PLA2G4B: variants seen among roughly 807,000 people sequenced by gnomAD.
The protein encoded by PLA2G4B is cytosolic phospholipase A2 beta.
Under a neutral mutation model 95.8 loss-of-function variants are expected in PLA2G4B, and 122 were observed. The observed-to-expected ratio is 1.27, with a 90% CI of 1.10 to 1.48. The LOEUF (loss-of-function observed/expected upper bound fraction) is 1.48, where lower values mean the gene tolerates loss of function less well. PLA2G4B is among the 40% of genes most tolerant of loss of function. PLA2G4B has a pLI of 0.00. For synonymous variants in PLA2G4B, 518 were observed against 421.5 expected (o/e 1.23, Z -2.80); for missense variants, 1,158 against 996.2 (o/e 1.16, Z -2.19).
chr15:41,845,809 C>A (rs150919041), intron 15 of PLA2G4B, 34 bp downstream of exon 15: 2 of 1,563,606 alleles, frequency 1.3e-6, no homozygotes, highest in Admixed American at 3.7e-5. Context: ...GAAGCTGGGC[C>A]GAGCAGGGAA....
chr15:41,844,564 T>C lies in PLA2G4B; in HGVS notation c.973T>C (p.Leu325=). 6.2e-7 allele frequency: 1 copy of C among 1,614,170 alleles called. No individual in the cohort carries two copies. Among genetic ancestry groups the C allele is most frequent in the South Asian group, 1.1e-5 (1 of 91,080 alleles). ...QLAGLKELGL[L]DCVSYITGAS... ...GGCTGGCCTGAAGGAGCTGGGCCTC[T>C]TGGATTGCGTCTCCTACATCACCGG... is the stretch of plus-strand genomic sequence containing the variant. The change falls in exon 12 of 20, where the codon TTG becomes CTG. Residue 325 remains leucine (L), a synonymous_variant. Transcript: ENST00000458483.
Position 41,847,723 on chromosome 15 carries a change from A to C in PLA2G4B, c.2209A>C (p.Thr737Pro). The C allele has an allele frequency of 6.2e-7, 1 of 1,613,606 alleles. No homozygotes were observed. The highest frequency in any genetic ancestry group is 8.5e-7 in the Non-Finnish European group (1 of 1,180,008). Residue 737 changes from threonine (T) to proline (P), a missense_variant, in exon 20 of 20, where the codon ACG (threonine) becomes CCG (proline). Physicochemically the swap from Thr to Pro is conservative, Grantham distance 38. Transcript: ENST00000458483. The part of the protein sequence containing the change: ...LSSSDSPYHY[T>P]KVTYSQEDVD... ...TTCATCGGACTCTCCCTACCACTAC[A>C]CGAAGGTGACCTACAGCCAGGAGGA...
chr15:41,847,665 C>CGA lies in PLA2G4B; in HGVS notation c.2153_2154dup (p.Glu719ArgfsTer8), dbSNP rs752525697. On this transcript the variant is annotated frameshift_variant, in exon 20 of 20. Transcript: ENST00000458483. LOFTEE classifies it low-confidence loss of function (END_TRUNC). ...TCTCCACAGGGGTCCGGCGGACACCCGAGGAGGCGGCAGCTGGGGAGGTGA... is the reference window on the plus strand; with the variant it reads ...TCTCCACAGGGGTCCGGCGGACACCCGAGAGGAGGCGGCAGCTGGGGAGGTGA... 20 of 1,613,512 alleles carry CGA rather than the reference C, an allele frequency of 1.2e-5. No individual in the cohort carries two copies. The highest frequency in any genetic ancestry group is 1.6e-5 in the Non-Finnish European group (19 of 1,180,042).
rs201864966 is a variant in PLA2G4B at position 41,841,583 on chromosome 15, A to G, written c.490+12A>G. 41 of 1,613,692 alleles carry G rather than the reference A, an allele frequency of 2.5e-5. No homozygotes were observed. In the East Asian group the frequency reaches 4.2e-4, roughly 17 times the overall value. The stretch of plus-strand genomic sequence containing the variant: ...AGGAGACCAGAAGTGTGAGTCCCCA[A>G]CCCACTGGGACAGCCCCTGGCTCTC... On this transcript the variant is annotated intron_variant, in intron 7 of 19. Coordinates refer to ENST00000458483, the MANE Select transcript of PLA2G4B (RefSeq NM_001114633.2).
At chr15:41,839,798 C>A in intron 1 of PLA2G4B, 1 of 244,604 alleles carries the variant, frequency 4.1e-6, no homozygotes, top group Non-Finnish European at 8.0e-6. Context: ...CTGGAGCCAG[C>A]CTGCCCGGGC....
At chr15:41,846,929 C>T in intron 18 of PLA2G4B, 94 bp downstream of exon 18, 3 of 1,430,174 alleles carry the variant, frequency 2.1e-6, no homozygotes, top group Admixed American at 2.3e-5. Context: ...GTTCAGCTTC[C>T]TTTAGGAGCT....
rs763083870 is a variant in PLA2G4B, at chr15:41,845,906, A to G, written c.1496-37A>G. ...TGGGGAAGGGTAGGATTGGGACAAG[A>G]GTCGGGGGCCCTCTTCCCTCACGGC... is the stretch of plus-strand genomic sequence containing the variant. On this transcript the variant is annotated intron_variant, in intron 15 of 19. Transcript: ENST00000458483. 1.6e-5 allele frequency: 24 copies of G among 1,515,306 alleles called. No individual in the cohort carries two copies. The South Asian group carries it at 3.1e-4, about 19-fold the overall frequency. The allele number at this position is 1,515,306 out of a possible 1,614,324, so 93.9% of individuals were successfully genotyped here.
chr15:41,843,856 C>T (rs1183185061), intron 11 of PLA2G4B, 45 bp downstream of exon 11: 12 of 1,603,268 alleles, frequency 7.5e-6, no homozygotes, highest in Non-Finnish European at 9.4e-6. Flanking sequence ...CTTGCTTGGG[C>T]CTAGCTCCTG....
chr15:41,842,713 G>T (rs1468989470), intron 10 of PLA2G4B, 122 bp downstream of exon 10: 1 of 1,476,196 alleles, frequency 6.8e-7, no homozygotes, highest in African/African-American at 1.4e-5. Flanking sequence ...TCTCTGAAGG[G>T]GCTCAGGCTT....
intron 14 of PLA2G4B, 151 bp from the exon 15 acceptor site, chr15:41,845,487 G>T: frequency 6.8e-7 from 1 of 1,461,054 alleles, no homozygotes; most frequent in Non-Finnish European, 9.1e-7. Context: ...TGGGAAGGAG[G>T]CAGGGGCCTT....
Position 41,846,066 on chromosome 15 carries a change from T to C in PLA2G4B, c.1600+19T>C, listed in dbSNP as rs759602620. The C allele has an allele frequency of 1.3e-6, 2 of 1,571,690 alleles. No individual in the cohort carries two copies. Among genetic ancestry groups the C allele is most frequent in the Admixed American group, 3.7e-5 (2 of 54,664 alleles). On this transcript the variant is annotated intron_variant, in intron 16 of 19. Coordinates refer to ENST00000458483, the MANE Select transcript of PLA2G4B (RefSeq NM_001114633.2). ...AACCTGGGTAAGTGCTCCGGGCCCT[T>C]CATAAGGGTGCCAAGGGGCAGCCAG... is the stretch of plus-strand genomic sequence containing the variant.
rs775812246 is a variant in PLA2G4B, at chr15:41,847,761, G to A, written c.2247G>A (p.Leu749=). The A allele has an allele frequency of 3.2e-5, 51 of 1,613,584 alleles. No homozygotes were observed. The highest frequency in any genetic ancestry group is 4.3e-5 in the Non-Finnish European group (51 of 1,180,056). The stretch of plus-strand genomic sequence containing the variant: ...ACAGCCAGGAGGACGTGGACAAGCT[G>A]CTGCACCTGACACATTACAATGTCT... The part of the protein sequence containing the change: ...VTYSQEDVDK[L]LHLTHYNVCN... Residue 749 remains leucine, a synonymous_variant, in exon 20 of 20, where the codon CTG becomes CTA. Transcript: ENST00000458483.
intron 15 of PLA2G4B, 51 bp from the exon 16 acceptor site, chr15:41,845,892 A>G: frequency 2.0e-6 from 3 of 1,517,318 alleles, no homozygotes; most frequent in Non-Finnish European, 2.6e-6. Flanking sequence ...GGGGAAGGGT[A>G]GGATTGGGAC....
chr15:41,846,835 G>A lies in PLA2G4B; in HGVS notation c.1947G>A (p.Gln649=). 1.2e-6 allele frequency: 2 copies of A among 1,605,732 alleles called. No individual in the cohort carries two copies. The highest frequency in any genetic ancestry group is 1.7e-6 in the Non-Finnish European group (2 of 1,173,680). The change falls in exon 18 of 20, where the codon CAG becomes CAA. Residue 649 remains glutamine (Q), a splice_region_variant and synonymous_variant. Transcript: ENST00000458483. ...ACTACAACCTCCACGGAGCCTTCCA[G>A]GTTGGGAAGGGTGGGCAGCCCACCA... ...SLDYNLHGAF[Q]QLQLLGRFCQ...
intron 4 of PLA2G4B, 65 bp downstream of exon 4, chr15:41,840,970 GCA>G: frequency 3.8e-6 from 6 of 1,586,184 alleles, no homozygotes; most frequent in East Asian, 4.5e-5. Context: ...GCGCACACAT[GCA>G]CACACACGCA....
intron 18 of PLA2G4B, 39 bp from the exon 19 acceptor site, chr15:41,847,298 G>C (rs757897823): frequency 6.4e-7 from 1 of 1,557,244 alleles, no homozygotes; most frequent in South Asian, 1.2e-5. Flanking sequence ...GGATGCCAGG[G>C]GCCCTGTCCC....
chr15:41,841,774 C>T, intron 7 of PLA2G4B, 45 bp from the exon 8 acceptor site: 1 of 1,602,524 alleles, frequency 6.2e-7, no homozygotes, highest in Non-Finnish European at 8.5e-7. Flanking sequence ...GTTCTGTGGG[C>T]AGAGATACCG....
chr15:41,840,901 C>G lies in PLA2G4B; in HGVS notation c.347C>G (p.Pro116Arg). The G allele has an allele frequency of 6.2e-7, 1 of 1,612,726 alleles. No homozygotes were observed. Among genetic ancestry groups the G allele is most frequent in the East Asian group, 2.2e-5 (1 of 44,830 alleles). Residue 116 changes from proline (P) to arginine (R), a missense_variant, in exon 4 of 20, where the codon CCT (proline) becomes CGT (arginine). By Grantham distance (103) the Pro-to-Arg change is moderately radical. Transcript: ENST00000458483. ...EFRRESFSLS[P>R]QGEGRLEVEF... ...CGGCGCGAGAGCTTCTCACTGAGCC[C>G]TCAGGCAAGGCGGTGTTTCCACGGC...
intron 11 of PLA2G4B, among the ~76,000 whole-genome samples, chr15:41,844,094 G>A (rs2065487248): frequency 6.6e-6 from 1 of 152,234 alleles, no homozygotes; most frequent in Admixed American, 6.5e-5. Flanking sequence ...TCTGGTATGA[G>A]GCCTGTTGGC....
Sources: gnomAD v4.1 joint callset for allele counts (sites outside exome capture counted in the v4.1 genomes callset) on GRCh38, gnomAD v4.1.1 for gene constraint, MANE v1.5 for transcripts, NCBI Gene and HGNC (gene_info 2026-07-23, HGNC 2026-07-21) for gene names.